The following C11orf97 variants were observed in gnomAD, a reference collection of about 807,000 sequenced individuals.
The protein encoded by C11orf97 is chromosome 11 open reading frame 97.
C11orf97 carries 15 observed loss-of-function variants against 16.2 expected under a neutral mutation model. The observed-to-expected ratio is 0.93, with a 90% CI of 0.62 to 1.43. The LOEUF is 1.43. C11orf97 is among the 40% of genes most tolerant of loss of function. The pLI is 0.00. For missense variants in C11orf97, 171 were observed against 161.2 expected (o/e 1.06, Z -0.33); for synonymous variants, 61 against 65.7 (o/e 0.93, Z 0.34).
chr11:94,525,145 T>C (rs1487134987), intron 2 of C11orf97, among the ~76,000 whole-genome samples: 10 of 152,164 alleles, frequency 6.6e-5, no homozygotes, highest in African/African-American at 2.2e-4. Context: ...ATTTATTGTA[T>C]TGTTTATTTT....
chr11:94,522,385 A>C (rs1947664369), intron 2 of C11orf97, among the ~76,000 whole-genome samples: 1 of 152,096 alleles, frequency 6.6e-6, no homozygotes, highest in East Asian at 1.9e-4. Flanking sequence ...CATACAAAAA[A>C]AATTAGCCGG....
chr11:94,513,116 A>G (rs1404361775), intron 1 of C11orf97, among the ~76,000 whole-genome samples: 1 of 152,216 alleles, frequency 6.6e-6, no homozygotes, highest in Non-Finnish European at 1.5e-5. Flanking sequence ...CAGAGGAAAG[A>G]GACTTGCCAC....
intron 2 of C11orf97, among the ~76,000 whole-genome samples, chr11:94,519,169 A>G (rs1947637630): frequency 6.6e-6 from 1 of 152,130 alleles, no homozygotes; most frequent in South Asian, 2.1e-4. Context: ...CGGCCTCCCA[A>G]TGTGCTGGCA....
At chr11:94,514,284 C>G (rs1318209412) in intron 1 of C11orf97, among the ~76,000 whole-genome samples, 1 of 152,148 alleles carries the variant, frequency 6.6e-6, no homozygotes, top group Non-Finnish European at 1.5e-5. Flanking sequence ...GAACTAATGA[C>G]TTAAGGCAGG....
rs1947622522 is a variant in C11orf97, at chr11:94,517,688, G to T, written c.250+1G>T. ...TGCCACATTAAAAATCCAGCTGCAG[G>T]TAATCTCAGTGACAAATGAAGTATG... is the stretch of plus-strand genomic sequence containing the variant. On this transcript the variant is annotated splice_donor_variant, in intron 2 of 3. Coordinates refer to ENST00000542198, the MANE Select transcript of C11orf97 (RefSeq NM_001190462.2). LOFTEE classifies it high-confidence loss of function. The T allele has an allele frequency of 6.6e-7, 1 of 1,508,454 alleles. No individual in the cohort carries two copies. The highest frequency in any genetic ancestry group is 2.1e-5 in the Admixed American group (1 of 48,104). The allele number at this position is 1,508,454 out of a possible 1,614,324, so 93.4% of individuals were successfully genotyped here.
intron 1 of C11orf97, among the ~76,000 whole-genome samples, chr11:94,515,966 G>T (rs993822467): frequency 2.0e-5 from 3 of 152,160 alleles, no homozygotes; most frequent in African/African-American, 2.4e-5. Flanking sequence ...AGCCAAGTTT[G>T]TGAACCCTTT....
In C11orf97 at chr11:94,531,976, T is replaced by G; in HGVS notation, c.*76T>G. ...AGAACGGAGAAGAAACTCAAGCTTG[T>G]TTCAGGATTTAAGATGTGTGCAAAA... is the stretch of plus-strand genomic sequence containing the variant. On this transcript the variant is annotated 3_prime_UTR_variant, in exon 4 of 4. Coordinates refer to ENST00000542198, the MANE Select transcript of C11orf97 (RefSeq NM_001190462.2). 7.9e-7 allele frequency: 1 copy of G among 1,262,106 alleles called. No homozygotes were observed. Among genetic ancestry groups the G allele is most frequent in the Non-Finnish European group, 1.1e-6 (1 of 949,102 alleles). The allele number at this position is 1,262,106 out of a possible 1,614,324, so 78.2% of individuals were successfully genotyped here. A position where few individuals can be genotyped will look rare whatever the true frequency, so the allele number is the denominator to read the frequency against.
At chr11:94,531,782 A>G in intron 3 of C11orf97, 114 bp from the exon 4 acceptor site, 1 of 847,264 alleles carries the variant, frequency 1.2e-6, no homozygotes, top group African/African-American at 1.8e-5. Flanking sequence ...TGGCTCTTAC[A>G]TTCTGCTCAA....
intron 1 of C11orf97, among the ~76,000 whole-genome samples, chr11:94,515,425 A>G (rs777876671): frequency 6.6e-5 from 10 of 152,144 alleles, no homozygotes; most frequent in Non-Finnish European, 1.3e-4. Context: ...CTCTATACAC[A>G]CAAGACATCT....
intron 3 of C11orf97, among the ~76,000 whole-genome samples, chr11:94,528,541 G>A (rs972011826): frequency 4.6e-5 from 7 of 152,094 alleles, no homozygotes; most frequent in African/African-American, 9.7e-5. Flanking sequence ...TTTTCTTCTC[G>A]ATAGAGGATC....
intron 2 of C11orf97, among the ~76,000 whole-genome samples, chr11:94,522,187 C>G (rs1947662285): frequency 6.6e-6 from 1 of 152,142 alleles, no homozygotes; most frequent in Non-Finnish European, 1.5e-5. Context: ...AACTTCTTTT[C>G]CTGGATGTCC....
chr11:94,530,246 A>C (rs557589787), intron 3 of C11orf97, among the ~76,000 whole-genome samples: 3 of 152,180 alleles, frequency 2.0e-5, no homozygotes, highest in Non-Finnish European at 4.4e-5. Context: ...ATTTATTTCC[A>C]GCTGGTGCCA....
chr11:94,524,652 T>C (rs919946378), intron 2 of C11orf97, among the ~76,000 whole-genome samples: 2 of 151,454 alleles, frequency 1.3e-5, no homozygotes, highest in African/African-American at 4.8e-5. Flanking sequence ...GAATGGAATT[T>C]GGGCAACTTA....
chr11:94,520,264 T>C (rs1328408308), intron 2 of C11orf97, among the ~76,000 whole-genome samples: 10 of 152,148 alleles, frequency 6.6e-5, no homozygotes, highest in Non-Finnish European at 1.5e-4. Context: ...GTTTCCTCCT[T>C]CTCTCTAAAA....
At chr11:94,524,963 G>T (rs1016250323) in intron 2 of C11orf97, among the ~76,000 whole-genome samples, 1 of 151,708 alleles carries the variant, frequency 6.6e-6, no homozygotes, top group Admixed American at 6.6e-5. Flanking sequence ...TGAGGCTGAG[G>T]CAGGAGAATT....
At position 94,512,520 on chromosome 11, in the gene C11orf97, C is replaced by A; in HGVS notation, c.-9C>A. The A allele has an allele frequency of 7.7e-7, 1 of 1,299,112 alleles. No individual in the cohort carries two copies. The highest frequency in any genetic ancestry group is 2.9e-4 in the Middle Eastern group (1 of 3,398). The allele number at this position is 1,299,112 out of a possible 1,614,324, so 80.5% of individuals were successfully genotyped here. On this transcript the variant is annotated 5_prime_UTR_variant, in exon 1 of 4. Transcript: ENST00000542198. ...ACCGTGCCCAGGGCTCTCGGAAGAC[C>A]GCTGCGGCATGACAGGCGAGGAGGC...
chr11:94,519,650 T>C (rs752716543), intron 2 of C11orf97, among the ~76,000 whole-genome samples: 5 of 152,364 alleles, frequency 3.3e-5, no homozygotes, highest in Non-Finnish European at 2.9e-5. Flanking sequence ...GAAGACTGTC[T>C]GGGCTGCTTT....
At chr11:94,521,524 C>T (rs35829171) in intron 2 of C11orf97, among the ~76,000 whole-genome samples, 4,504 of 152,276 alleles carry the variant, frequency 0.03, 154 homozygotes, top group African/African-American at 0.08. Flanking sequence ...TTACTACTTA[C>T]AATTTTTTTT....
At chr11:94,514,801 C>T (rs909512011) in intron 1 of C11orf97, among the ~76,000 whole-genome samples, 4 of 151,966 alleles carry the variant, frequency 2.6e-5, no homozygotes, top group South Asian at 2.1e-4. Flanking sequence ...TGCACCATCA[C>T]GCCTGGCTAA....
Sources: allele counts gnomAD v4.1 joint callset (sites outside exome capture counted in the v4.1 genomes callset), GRCh38; gene constraint gnomAD v4.1.1; transcripts MANE v1.5; gene names NCBI Gene and HGNC (gene_info 2026-07-23, HGNC 2026-07-21).